The following ACTR3C variants were observed in gnomAD, a reference collection of about 807,000 sequenced individuals.
ACTR3C encodes the protein actin-related protein 3C.
A neutral mutation model predicts 26.3 loss-of-function variants in ACTR3C; 18 were observed. The observed-to-expected ratio is 0.68, with a 90% CI of 0.47 to 1.01. ACTR3C has a LOEUF of 1.01. Among genes scored for constraint, ACTR3C ranks in the 50% least tolerant of loss-of-function variants. The probability of loss-of-function intolerance (pLI) is 0.00; values close to 1 mark genes in which losing one functional copy is unlikely to be tolerated. For synonymous variants in ACTR3C, 55 were observed against 94.5 expected (o/e 0.58, Z 2.42); for missense variants, 184 against 250.7 (o/e 0.73, Z 1.80).
chr7:149,920,338 G>T, the ACTR3C span, among the ~76,000 whole-genome samples: 3 of 151,576 alleles, frequency 2.0e-5, no homozygotes, highest in Admixed American at 6.6e-5. Context: ...CCAGAGTCTC[G>T]CTTTGTCACC....
the ACTR3C span, among the ~76,000 whole-genome samples, chr7:150,011,478 G>A: frequency 6.6e-6 from 1 of 152,220 alleles, no homozygotes; most frequent in South Asian, 2.1e-4. Flanking sequence ...CCAGCTACTT[G>A]GGAGGCAGAG....
the ACTR3C span, among the ~76,000 whole-genome samples, chr7:150,207,099 C>T: frequency 6.6e-6 from 1 of 152,178 alleles, no homozygotes; most frequent in African/African-American, 2.4e-5. Flanking sequence ...CAAAGGATTA[C>T]AGTTATCATG....
intron 6 of ACTR3C, among the ~76,000 whole-genome samples, chr7:150,249,921 C>T (rs1251151309): frequency 6.6e-6 from 1 of 152,200 alleles, no homozygotes; most frequent in Non-Finnish European, 1.5e-5. Context: ...CTTTACTCCA[C>T]GTGATAAGGC....
At position 150,247,389 on chromosome 7, in the gene ACTR3C, C is replaced by G. The variant is rs80270778; in HGVS notation, c.*219G>C. On this transcript the variant is annotated 3_prime_UTR_variant, in exon 8 of 8. Coordinates refer to ENST00000683684, the MANE Select transcript of ACTR3C (RefSeq NM_001164458.2). ...TTCACCTGGGCTTGCTGCTGCCCCA[C>G]GTAGTAAGGATGCAACAGTTTGTGG... 1.3e-5 allele frequency: 2 copies of G among 150,756 alleles called. No individual in the cohort carries two copies. Among genetic ancestry groups the G allele is most frequent in the Middle Eastern group, 3.4e-3 (1 of 294 alleles). 9.3% of individuals were successfully genotyped at this position (150,756 alleles called of 1,614,324 possible).
At chr7:149,972,507 T>C in the ACTR3C span, among the ~76,000 whole-genome samples, 3 of 152,164 alleles carry the variant, frequency 2.0e-5, no homozygotes, top group Non-Finnish European at 4.4e-5. Context: ...ACATGTCCCA[T>C]GACAAGCTGC....
At chr7:150,162,929 A>C in the ACTR3C span, among the ~76,000 whole-genome samples, 1 of 152,124 alleles carries the variant, frequency 6.6e-6, no homozygotes, top group African/African-American at 2.4e-5. Context: ...AGGCAGGTGG[A>C]TCACCTGAGG....
At chr7:149,986,635 A>G in the ACTR3C span, among the ~76,000 whole-genome samples, 1 of 151,956 alleles carries the variant, frequency 6.6e-6, no homozygotes, top group African/African-American at 2.4e-5. Flanking sequence ...AATTGAACAA[A>G]CTCATTGCAT....
the ACTR3C span, among the ~76,000 whole-genome samples, chr7:150,052,067 T>G: frequency 6.6e-6 from 1 of 152,048 alleles, no homozygotes; most frequent in Non-Finnish European, 1.5e-5. Flanking sequence ...TAAGTTAGCA[T>G]ACTCTGAAGG....
At chr7:150,123,139 C>T in the ACTR3C span, among the ~76,000 whole-genome samples, 3 of 151,694 alleles carry the variant, frequency 2.0e-5, no homozygotes, top group African/African-American at 7.3e-5. Context: ...ATGTAGATGA[C>T]GGGTTGATGG....
the ACTR3C span, among the ~76,000 whole-genome samples, chr7:150,106,175 C>A: frequency 2.6e-5 from 4 of 151,680 alleles, no homozygotes; most frequent in Non-Finnish European, 5.9e-5. Flanking sequence ...AGATGGATGG[C>A]TCTTTCTAGA....
At chr7:150,128,551 C>T in the ACTR3C span, among the ~76,000 whole-genome samples, 1 of 151,590 alleles carries the variant, frequency 6.6e-6, no homozygotes, top group Non-Finnish European at 1.5e-5. Context: ...GATGGAGAAA[C>T]ATCAACCCCA....
the ACTR3C span, among the ~76,000 whole-genome samples, chr7:150,163,673 A>G: frequency 2.0e-5 from 3 of 152,050 alleles, no homozygotes; most frequent in Admixed American, 6.6e-5. Flanking sequence ...ATAATTCAGT[A>G]TGAGTCCCAA....
chr7:150,116,591 T>A, the ACTR3C span, among the ~76,000 whole-genome samples: 1 of 152,172 alleles, frequency 6.6e-6, no homozygotes, highest in Non-Finnish European at 1.5e-5. Context: ...ATCACAGACA[T>A]AAGGAGAAAT....
chr7:149,984,201 CTTTT>C, the ACTR3C span, among the ~76,000 whole-genome samples: 3 of 145,428 alleles, frequency 2.1e-5, no homozygotes, highest in African/African-American at 7.5e-5. Flanking sequence ...TGAGGGATTC[CTTTT>C]TTTTTTTTCT....
At chr7:149,892,470 A>T in the ACTR3C span, 1 of 1,422,584 alleles carries the variant, frequency 7.0e-7, no homozygotes, top group Non-Finnish European at 9.4e-7. Context: ...AAGGGATAAT[A>T]TCCTAATATA....
the ACTR3C span, among the ~76,000 whole-genome samples, chr7:150,213,423 A>G: frequency 2.6e-5 from 4 of 152,242 alleles, no homozygotes; most frequent in African/African-American, 9.6e-5. Flanking sequence ...GAAAATAAAA[A>G]AGAGACTTAG....
the ACTR3C span, among the ~76,000 whole-genome samples, chr7:150,118,846 T>G: frequency 6.8e-6 from 1 of 146,490 alleles, no homozygotes; most frequent in Admixed American, 6.8e-5. Flanking sequence ...AAAGGTCAGG[T>G]TACCTACAAA....
the ACTR3C span, among the ~76,000 whole-genome samples, chr7:150,135,265 C>A: frequency 1.3e-5 from 2 of 152,122 alleles, no homozygotes; most frequent in South Asian, 4.1e-4. Flanking sequence ...CAGCGAGACT[C>A]CGTCTCAAAA....
the ACTR3C span, among the ~76,000 whole-genome samples, chr7:150,221,363 A>G: frequency 6.6e-6 from 1 of 152,176 alleles, no homozygotes; most frequent in Non-Finnish European, 1.5e-5. Context: ...GACACAGGTG[A>G]AAAGAAATTG....
Sources: allele counts gnomAD v4.1 joint callset (sites outside exome capture counted in the v4.1 genomes callset), GRCh38; gene constraint gnomAD v4.1.1; transcripts MANE v1.5; gene names NCBI Gene and HGNC (gene_info 2026-07-23, HGNC 2026-07-21).